CNTN5: variants seen among roughly 807,000 people sequenced by gnomAD.
The protein encoded by CNTN5 is contactin 5.
Under a neutral mutation model 129.1 loss-of-function variants are expected in CNTN5, and 77 were observed. The ratio of observed to expected loss-of-function variants is 0.60; its 90% CI spans 0.50 to 0.72. CNTN5 has a LOEUF of 0.72. Ranked by LOEUF, CNTN5 falls within the 30% of genes least tolerant of loss-of-function variation. The pLI is 0.00. For missense variants in CNTN5, 1,478 were observed against 1,328.8 expected, an observed-to-expected ratio of 1.11 and a Z score of -1.75; for synonymous variants, 509 against 465.6, an observed-to-expected ratio of 1.09 and a Z score of -1.20.
chr11:100,120,632 A>C (rs1055718236), intron 13 of CNTN5, among the ~76,000 whole-genome samples: 1 of 151,964 alleles, frequency 6.6e-6, no homozygotes, highest in African/African-American at 2.4e-5. Flanking sequence ...CAGTTGAAAC[A>C]AAGTGAAGAC....
chr11:99,867,953 A>C (rs894871764), intron 6 of CNTN5, among the ~76,000 whole-genome samples: 2 of 152,138 alleles, frequency 1.3e-5, no homozygotes, highest in East Asian at 1.9e-4. Context: ...GGTGGCTCAC[A>C]CCTGTAATCC....
At chr11:99,359,527 C>T (rs1285097144) in intron 2 of CNTN5, among the ~76,000 whole-genome samples, 2 of 151,604 alleles carry the variant, frequency 1.3e-5, no homozygotes, top group African/African-American at 4.8e-5. Flanking sequence ...TTATTCCACC[C>T]TGTTAGCTCC....
At position 100,070,520 on chromosome 11, in the gene CNTN5, C is replaced by T. The variant is rs201969397; in HGVS notation, c.1259C>T (p.Thr420Met). 18 of 1,612,952 alleles carry T rather than the reference C, an allele frequency of 1.1e-5. No individual in the cohort carries two copies. The highest frequency in any genetic ancestry group is 2.2e-5 in the East Asian group (1 of 44,784). Reference protein sequence around the residue: ...ECKATGKPRPTYRWLKNGVPL... With the variant: ...ECKATGKPRPMYRWLKNGVPL... The stretch of plus-strand genomic sequence containing the variant: ...AAGGCTACTGGAAAACCCAGACCCA[C>T]GTATCGTTGGCTGAAGAATGGAGTA... Residue 420 changes from threonine to methionine, a missense_variant, in exon 11 of 25, where the codon ACG (threonine) becomes ATG (methionine). Physicochemically the swap from Thr to Met is moderately conservative, Grantham distance 81. Transcript: ENST00000524871.
chr11:100,001,068 T>C (rs1342688191), intron 8 of CNTN5, among the ~76,000 whole-genome samples: 3 of 152,200 alleles, frequency 2.0e-5, no homozygotes, highest in Admixed American at 2.0e-4. Context: ...GGAGACATTT[T>C]TCCCATTGTC....
At chr11:99,620,019 C>A (rs1424283858) in intron 3 of CNTN5, among the ~76,000 whole-genome samples, 1 of 44,412 alleles carries the variant, frequency 2.3e-5, no homozygotes, top group Non-Finnish European at 5.8e-5. Context: ...GAGCAAGACT[C>A]CGTCTCAAAA....
chr11:99,377,251 T>C (rs1045247966), intron 2 of CNTN5, among the ~76,000 whole-genome samples: 3 of 152,092 alleles, frequency 2.0e-5, no homozygotes, highest in African/African-American at 7.2e-5. Flanking sequence ...GATTTTCTAA[T>C]AGTATTATAG....
intron 1 of CNTN5, among the ~76,000 whole-genome samples, chr11:99,258,791 C>T (rs1862497503): frequency 6.6e-6 from 1 of 151,770 alleles, no homozygotes; most frequent in Non-Finnish European, 1.5e-5. Context: ...ATTTCACTGT[C>T]TATTTAGTCA....
At chr11:99,919,423 C>A (rs545513417) in intron 7 of CNTN5, among the ~76,000 whole-genome samples, 6 of 152,270 alleles carry the variant, frequency 3.9e-5, no homozygotes, top group African/African-American at 1.4e-4. Flanking sequence ...AAAACTCCAT[C>A]GGCCAATGCC....
At chr11:99,548,427 T>G (rs890305767) in intron 2 of CNTN5, among the ~76,000 whole-genome samples, 3 of 152,226 alleles carry the variant, frequency 2.0e-5, no homozygotes, top group Non-Finnish European at 4.4e-5. Context: ...ATTACCTGAT[T>G]GGCTACAGCT....
At chr11:100,331,654 T>A (rs1257749214) in intron 21 of CNTN5, among the ~76,000 whole-genome samples, 1 of 152,032 alleles carries the variant, frequency 6.6e-6, no homozygotes, top group Non-Finnish European at 1.5e-5. Flanking sequence ...CACAGTGGAA[T>A]AAAATTGGAG....
At chr11:99,028,822 T>C (rs1863225107) in intron 1 of CNTN5, among the ~76,000 whole-genome samples, 1 of 151,916 alleles carries the variant, frequency 6.6e-6, no homozygotes, top group Non-Finnish European at 1.5e-5. Context: ...CTGATAAAAC[T>C]TATTTTGCAG....
At chr11:99,736,290 T>C (rs941842562) in intron 3 of CNTN5, among the ~76,000 whole-genome samples, 4 of 152,172 alleles carry the variant, frequency 2.6e-5, no homozygotes, top group African/African-American at 9.7e-5. Flanking sequence ...TCAGACTTAC[T>C]GTGGATTGGC....
chr11:100,143,651 C>A (rs1946764881), intron 13 of CNTN5, among the ~76,000 whole-genome samples: 1 of 152,126 alleles, frequency 6.6e-6, no homozygotes, highest in African/African-American at 2.4e-5. Flanking sequence ...TTAAGCTATA[C>A]TCCTCTATGC....
intron 1 of CNTN5, among the ~76,000 whole-genome samples, chr11:99,138,092 A>G (rs1322956270): frequency 6.6e-6 from 1 of 152,156 alleles, no homozygotes; most frequent in African/African-American, 2.4e-5. Flanking sequence ...TATTTAGGTC[A>G]GATATTTTAT....
intron 1 of CNTN5, among the ~76,000 whole-genome samples, chr11:99,041,642 C>T (rs930513702): frequency 6.6e-6 from 1 of 152,110 alleles, no homozygotes; most frequent in Middle Eastern, 3.2e-3. Flanking sequence ...CTATGAATGT[C>T]ACTTAAATTT....
chr11:99,073,843 C>T (rs1865447024), intron 1 of CNTN5, among the ~76,000 whole-genome samples: 1 of 152,084 alleles, frequency 6.6e-6, no homozygotes, highest in Non-Finnish European at 1.5e-5. Flanking sequence ...CATATGTGTG[C>T]ATGTGTCTTT....
At chr11:100,028,069 A>G (rs1473580116) in intron 9 of CNTN5, among the ~76,000 whole-genome samples, 4 of 151,994 alleles carry the variant, frequency 2.6e-5, no homozygotes, top group African/African-American at 9.7e-5. Context: ...ATTTGAATAA[A>G]TTATGGGAAA....
At chr11:100,174,811 T>G (rs1947915107) in intron 13 of CNTN5, among the ~76,000 whole-genome samples, 2 of 152,138 alleles carry the variant, frequency 1.3e-5, no homozygotes, top group South Asian at 4.1e-4. Flanking sequence ...CTTGCAGTGA[T>G]GCTGAGCCCC....
At chr11:99,648,695 G>T (rs117185983) in intron 3 of CNTN5, among the ~76,000 whole-genome samples, 2,947 of 151,768 alleles carry the variant, frequency 0.019, 45 homozygotes, top group Non-Finnish European at 0.028. Flanking sequence ...AAGAGAATGT[G>T]GTATATATTT....
Sources: allele counts gnomAD v4.1 joint callset (sites outside exome capture counted in the v4.1 genomes callset), GRCh38; gene constraint gnomAD v4.1.1; transcripts MANE v1.5; gene names NCBI Gene and HGNC (gene_info 2026-07-23, HGNC 2026-07-21).